The following TMEM150A variants were observed in gnomAD, a reference collection of about 807,000 sequenced individuals.
TMEM150A encodes the protein fasting-inducible integral membrane protein TM6P1.
A neutral mutation model predicts 29.8 loss-of-function variants in TMEM150A; 18 were observed. The ratio of observed to expected loss-of-function variants is 0.60; its 90% confidence interval spans 0.42 to 0.90. TMEM150A has a LOEUF of 0.90. Among genes scored for constraint, TMEM150A ranks in the 40% least tolerant of loss-of-function variants. The probability of loss-of-function intolerance (pLI) is 0.00; values close to 1 mark genes in which losing one functional copy is unlikely to be tolerated. For missense variants in TMEM150A, 251 were observed against 349.7 expected, an observed-to-expected ratio of 0.72 and a Z score of 2.25; for synonymous variants, 127 against 143.6, an observed-to-expected ratio of 0.88 and a Z score of 0.83.
chr2:85,602,682 G>C lies in TMEM150A; in HGVS notation c.-192C>G, dbSNP rs1202037229. On this transcript the variant is annotated 5_prime_UTR_variant, in exon 1 of 8. Coordinates refer to ENST00000334462, the MANE Select transcript of TMEM150A (RefSeq NM_001031738.3). This position sits in a 1 kb window ranked among gnomAD's most constrained non-coding sequence, Gnocchi z 5.6. ...GCCGACTCTAGCTGCGGCCCTCGGA[G>C]CAGCCCTGAAAGGTTTAAAGGGCCG... is the stretch of plus-strand genomic sequence containing the variant. The C allele has an allele frequency of 6.5e-6, 1 of 152,674 alleles. No homozygotes were observed. Among genetic ancestry groups the C allele is most frequent in the Non-Finnish European group, 1.5e-5 (1 of 68,488 alleles). The allele number at this position is 152,674 out of a possible 1,614,324, so 9.5% of individuals were successfully genotyped here. A position where few individuals can be genotyped will look rare whatever the true frequency, so the allele number is the denominator to read the frequency against.
At chr2:85,600,104 C>T (rs375107344) in intron 5 of TMEM150A, 86 bp from the exon 6 acceptor site, 17 of 1,550,430 alleles carry the variant, frequency 1.1e-5, no homozygotes, top group South Asian at 5.8e-5. Context: ...CGCTGTGGTG[C>T]TCCTGCCCCT....
chr2:85,599,989 G>A lies in TMEM150A; in HGVS notation c.298C>T (p.Gln100Ter). The change falls in exon 6 of 8, where the codon CAG (glutamine) becomes TAG (stop). Residue 100 changes from glutamine to a stop codon, truncating the protein, a stop_gained. Transcript: ENST00000334462. LOFTEE classifies it high-confidence loss of function. This position sits in a 1 kb window ranked among gnomAD's most constrained non-coding sequence, Gnocchi z 6.0. ...VALICLLRYG[Q>*]LLEQSRHSWV... ...GAGTGCCGACTCTGCTCCAGGAGCT[G>A]CCCGTAGCGCAGGAGGCAGATCAGG... 1 of 1,613,078 alleles carries A rather than the reference G, an allele frequency of 6.2e-7. No individual in the cohort carries two copies. The highest frequency in any genetic ancestry group is 8.5e-7 in the Non-Finnish European group (1 of 1,180,018).
chr2:85,601,440 C>A lies in TMEM150A; in HGVS notation c.108G>T (p.Glu36Asp), dbSNP rs1672951432. 1 of 1,613,644 alleles carries A rather than the reference C, an allele frequency of 6.2e-7. No homozygotes were observed. Among genetic ancestry groups the A allele is most frequent in the Non-Finnish European group, 8.5e-7 (1 of 1,179,950 alleles). Residue 36 changes from glutamate to aspartate, a missense_variant, in exon 3 of 8, where the codon GAG becomes GAT. Glu to Asp is a conservative substitution (Grantham distance 45). Transcript: ENST00000334462. The surrounding 1 kb of genome is among the most constrained non-coding windows in gnomAD (Gnocchi z 4.0). ...AVMNHHVCPV[E>D]NWSYNESCPP... is the part of the protein sequence containing the mutation. ...GTCTGCAGAGTCCTTCATACCAGTT[C>A]TCCACAGGGCATACATGGTGGTTCA...
Position 85,602,048 on chromosome 2 carries a change from C to T in TMEM150A, c.-100G>A. ...CTACCTTGAGATGTTTCTGCCACAA[C>T]CATCAGCTGTCCTGGCCTGGTGGAG... is the stretch of plus-strand genomic sequence containing the variant. On this transcript the variant is annotated 5_prime_UTR_variant, in exon 2 of 8. Coordinates refer to ENST00000334462, the MANE Select transcript of TMEM150A (RefSeq NM_001031738.3). The surrounding 1 kb of genome is among the most constrained non-coding windows in gnomAD (Gnocchi z 5.6). 9.5e-7 allele frequency: 1 copy of T among 1,053,044 alleles called. No homozygotes were observed. The highest frequency in any genetic ancestry group is 1.5e-6 in the Non-Finnish European group (1 of 677,488). 65.2% of individuals were successfully genotyped at this position (1,053,044 alleles called of 1,614,324 possible).
chr2:85,599,460 C>A lies in TMEM150A; in HGVS notation c.574+65G>T. ...CAGTGTTAGGCCTCCACCCCCCATC[C>A]TCTTGGGAGGGAGAAAGGTTGAGCT... On this transcript the variant is annotated intron_variant, in intron 7 of 7. Coordinates refer to ENST00000334462, the MANE Select transcript of TMEM150A (RefSeq NM_001031738.3). The surrounding 1 kb of genome is among the most constrained non-coding windows in gnomAD (Gnocchi z 6.0). The A allele has an allele frequency of 6.4e-7, 1 of 1,569,824 alleles. No homozygotes were observed. Among genetic ancestry groups the A allele is most frequent in the Admixed American group, 1.8e-5 (1 of 54,792 alleles).
Position 85,600,344 on chromosome 2 carries a change from C to T in TMEM150A, c.268+1G>A. The T allele has an allele frequency of 6.2e-7, 1 of 1,613,972 alleles. No homozygotes were observed. The highest frequency in any genetic ancestry group is 8.5e-7 in the Non-Finnish European group (1 of 1,179,986). ...GGGTCAGGGCTAAGGGTACAACTCA[C>T]CCATGAAAGCACCCATGTTGCCAAT... On this transcript the variant is annotated splice_donor_variant, in intron 5 of 7. Coordinates refer to ENST00000334462, the MANE Select transcript of TMEM150A (RefSeq NM_001031738.3). LOFTEE classifies it high-confidence loss of function.
intron 4 of TMEM150A, 180 bp from the exon 5 acceptor site, chr2:85,600,592 G>A: frequency 3.3e-6 from 2 of 615,054 alleles, no homozygotes; most frequent in South Asian, 3.9e-5. Context: ...CCCCAAAGCA[G>A]AGCTCATGTG....
chr2:85,599,032 G>C lies in TMEM150A; in HGVS notation c.*44C>G. 1 of 1,592,844 alleles carries C rather than the reference G, an allele frequency of 6.3e-7. No homozygotes were observed. The highest frequency in any genetic ancestry group is 8.6e-7 in the Non-Finnish European group (1 of 1,165,674). On this transcript the variant is annotated 3_prime_UTR_variant, in exon 8 of 8. Transcript: ENST00000334462. The surrounding 1 kb of genome is among the most constrained non-coding windows in gnomAD (Gnocchi z 6.0). ...ACGAAATAAATGGAAAGAAGATATGGGGTGGGGTGCTGTGGAGGCCGGGCC... is the reference window on the plus strand; with the variant it reads ...ACGAAATAAATGGAAAGAAGATATGCGGTGGGGTGCTGTGGAGGCCGGGCC...
At chr2:85,600,569 T>C in intron 4 of TMEM150A, 157 bp from the exon 5 acceptor site, 1 of 637,260 alleles carries the variant, frequency 1.6e-6, no homozygotes, top group Non-Finnish European at 2.9e-6. Flanking sequence ...GAACAACTGG[T>C]TCCAGGCTGG....
Position 85,599,561 on chromosome 2 carries a change from C to T in TMEM150A, c.538G>A (p.Val180Met), listed in dbSNP as rs763965447. The T allele has an allele frequency of 6.2e-7, 1 of 1,613,922 alleles. No homozygotes were observed. Among genetic ancestry groups the T allele is most frequent in the Admixed American group, 1.7e-5 (1 of 60,004 alleles). Residue 180 changes from valine (V) to methionine (M), a missense_variant, in exon 7 of 8, where the codon GTG (valine) becomes ATG (methionine). Coordinates refer to ENST00000334462, the MANE Select transcript of TMEM150A (RefSeq NM_001031738.3). The surrounding 1 kb of genome is among the most constrained non-coding windows in gnomAD (Gnocchi z 6.0). The stretch of plus-strand genomic sequence containing the variant: ...GTGATAAAGGCGATGACAGCCAGCA[C>T]ACTTCGCAGATAGGCCACAGCCAGG... ...LDLAVAYLRS[V>M]LAVIAFITLV...
intron 5 of TMEM150A, 76 bp downstream of exon 5, chr2:85,600,269 G>T: frequency 6.4e-7 from 1 of 1,557,884 alleles, no homozygotes; most frequent in Non-Finnish European, 8.8e-7. Flanking sequence ...GGGCTGCACA[G>T]AAGGGCTTCC....
In TMEM150A at chr2:85,599,009, G is replaced by A. The variant is rs1044158; in HGVS notation, c.*67C>T. ...ACTTTCTCAAAATTGTTTTTGGTAC[G>A]AAATAAATGGAAAGAAGATATGGGG... On this transcript the variant is annotated 3_prime_UTR_variant, in exon 8 of 8. Transcript: ENST00000334462. This position sits in a 1 kb window ranked among gnomAD's most constrained non-coding sequence, Gnocchi z 6.0. The A allele has an allele frequency of 0.37, 579,586 of 1,567,944 alleles. 112,081 individuals carry two copies. Among genetic ancestry groups the A allele is most frequent in the African/African-American group, 0.7 (50,976 of 72,954 alleles).
rs1573361357 is a variant in TMEM150A at position 85,601,128 on chromosome 2, T to C, written c.114-21A>G. ...AGGACCTGGCAGGCAGGACAGGGAGTAGACTGGGGGAAGGGACTGCCCCCA... is the reference window on the plus strand; with the variant it reads ...AGGACCTGGCAGGCAGGACAGGGAGCAGACTGGGGGAAGGGACTGCCCCCA... On this transcript the variant is annotated intron_variant, in intron 3 of 7. Transcript: ENST00000334462. This position sits in a 1 kb window ranked among gnomAD's most constrained non-coding sequence, Gnocchi z 4.0. 1 of 1,609,740 alleles carries C rather than the reference T, an allele frequency of 6.2e-7. No individual in the cohort carries two copies. Among genetic ancestry groups the C allele is most frequent in the Admixed American group, 1.7e-5 (1 of 59,248 alleles).
chr2:85,599,727 GT>G lies in TMEM150A; in HGVS notation c.397-26del. The G allele has an allele frequency of 6.2e-7, 1 of 1,607,162 alleles. No homozygotes were observed. Among genetic ancestry groups the G allele is most frequent in the Admixed American group, 1.7e-5 (1 of 59,468 alleles). On this transcript the variant is annotated intron_variant, in intron 6 of 7. Transcript: ENST00000334462. The surrounding 1 kb of genome is among the most constrained non-coding windows in gnomAD (Gnocchi z 6.0). The stretch of plus-strand genomic sequence containing the variant: ...CCTGGGCCCAGAGAAGGGCCAGTTG[GT>G]GATGTGGCCATGGCCCCACCTCTCC...
chr2:85,600,423 G>C lies in TMEM150A; in HGVS notation c.201-11C>G, dbSNP rs757941797. ...TAGGAGCCACACTTGCTGCGAGGAGGGGGAAGGACAGAGTAAGAGGGGTGC... is the reference window on the plus strand; with the variant it reads ...TAGGAGCCACACTTGCTGCGAGGAGCGGGAAGGACAGAGTAAGAGGGGTGC... On this transcript the variant is annotated splice_polypyrimidine_tract_variant and intron_variant, in intron 4 of 7. Coordinates refer to ENST00000334462, the MANE Select transcript of TMEM150A (RefSeq NM_001031738.3). 5.6e-6 allele frequency: 9 copies of C among 1,613,856 alleles called. No individual in the cohort carries two copies. The highest frequency in any genetic ancestry group is 2.2e-5 in the East Asian group (1 of 44,874).
Position 85,601,635 on chromosome 2 carries a change from C to A in TMEM150A, c.66-153G>T. On this transcript the variant is annotated intron_variant, in intron 2 of 7. Coordinates refer to ENST00000334462, the MANE Select transcript of TMEM150A (RefSeq NM_001031738.3). The surrounding 1 kb of genome is among the most constrained non-coding windows in gnomAD (Gnocchi z 4.0). The stretch of plus-strand genomic sequence containing the variant: ...AGGTCCCTAAGGCTTGATGCCACAC[C>A]AGCACCTGCAGCATGCCCCCAGCTA... The A allele has an allele frequency of 1.2e-6, 1 of 864,738 alleles. No homozygotes were observed. Among genetic ancestry groups the A allele is most frequent in the South Asian group, 1.6e-5 (1 of 61,440 alleles). The allele number at this position is 864,738 out of a possible 1,614,324, so 53.6% of individuals were successfully genotyped here.
chr2:85,601,230 C>T lies in TMEM150A; in HGVS notation c.114-123G>A, dbSNP rs1173443794. Reference sequence around the variant, plus strand: ...CCCTACAGGGACAGAAGATCCCACTCCCCAGTGCCCGCCTGAAGCAGTAAC... The same window carrying T: ...CCCTACAGGGACAGAAGATCCCACTTCCCAGTGCCCGCCTGAAGCAGTAAC... On this transcript the variant is annotated intron_variant, in intron 3 of 7. Transcript: ENST00000334462. The surrounding 1 kb of genome is among the most constrained non-coding windows in gnomAD (Gnocchi z 4.0). The T allele has an allele frequency of 1.2e-5, 14 of 1,203,550 alleles. No individual in the cohort carries two copies. Among genetic ancestry groups the T allele is most frequent in the Admixed American group, 9.6e-5 (5 of 51,996 alleles). 74.6% of individuals were successfully genotyped at this position (1,203,550 alleles called of 1,614,324 possible). A position where few individuals can be genotyped will look rare whatever the true frequency, so the allele number is the denominator to read the frequency against.
In TMEM150A at chr2:85,600,022, G is replaced by C. The variant is rs751591051; in HGVS notation, c.269-4C>G. 48 of 1,611,842 alleles carry C rather than the reference G, an allele frequency of 3.0e-5. No homozygotes were observed. Among genetic ancestry groups the C allele is most frequent in the Non-Finnish European group, 3.7e-5 (44 of 1,179,972 alleles). On this transcript the variant is annotated splice_polypyrimidine_tract_variant and splice_region_variant and intron_variant, in intron 5 of 7. Transcript: ENST00000334462. ...CGCAGGAGGCAGATCAGGGCCACTG[G>C]GGGAGGAGAGCACAGTTGAGGCCTT...
rs762037479 is a variant in TMEM150A at position 85,602,197 on chromosome 2, C to A, written c.-116-133G>T. 1.6e-4 allele frequency: 75 copies of A among 469,562 alleles called. No individual in the cohort carries two copies. The highest frequency in any genetic ancestry group is 2.8e-5 in the Non-Finnish European group (7 of 254,144). The allele number at this position is 469,562 out of a possible 1,614,324, so 29.1% of individuals were successfully genotyped here. A position where few individuals can be genotyped will look rare whatever the true frequency, so the allele number is the denominator to read the frequency against. On this transcript the variant is annotated intron_variant, in intron 1 of 7. Coordinates refer to ENST00000334462, the MANE Select transcript of TMEM150A (RefSeq NM_001031738.3). This position sits in a 1 kb window ranked among gnomAD's most constrained non-coding sequence, Gnocchi z 5.6. Reference sequence around the variant, plus strand: ...AGTTTGGGCTGAGCCCACGGCAGAACGTGAACACCCTCTGGCACTGGGGGC... The same window carrying A: ...AGTTTGGGCTGAGCCCACGGCAGAAAGTGAACACCCTCTGGCACTGGGGGC...
Sources: gnomAD v4.1 joint callset for allele counts on GRCh38, gnomAD v4.1.1 for gene constraint, Gnocchi (gnomAD v3.1) non-coding constraint, MANE v1.5 for transcripts, NCBI Gene and HGNC (gene_info 2026-07-23, HGNC 2026-07-21) for gene names.